The following MAGI1 variants were observed in gnomAD, a reference collection of about 807,000 sequenced individuals.
MAGI1 encodes the protein membrane-associated guanylate kinase, WW and PDZ domain-containing protein 1.
MAGI1 carries 58 observed loss-of-function variants against 139.9 expected under a neutral mutation model. That is an observed-to-expected ratio of 0.41 (90% CI 0.34 to 0.52). The LOEUF is 0.52. Ranked by LOEUF, MAGI1 falls within the 20% of genes least tolerant of loss-of-function variation. The pLI is 0.12. For missense variants in MAGI1, 1,874 were observed against 1,901.6 expected (o/e 0.99, Z 0.27); for synonymous variants, 812 against 737.9 (o/e 1.10, Z -1.63).
chr3:65,436,740 C>T (rs1947883150), intron 10 of MAGI1, among the ~76,000 whole-genome samples: 1 of 151,942 alleles, frequency 6.6e-6, no homozygotes, highest in African/African-American at 2.4e-5. Context: ...TCCCCAGAGA[C>T]ATCTGGCAAT....
intron 1 of MAGI1, among the ~76,000 whole-genome samples, chr3:65,812,458 T>TCA (rs779884222): frequency 1.1e-4 from 11 of 101,714 alleles, no homozygotes; most frequent in African/African-American, 3.9e-4. Flanking sequence ...TCTCTCTCTC[T>TCA]CTCTCTCTCT....
intron 1 of MAGI1, among the ~76,000 whole-genome samples, chr3:65,641,507 C>A (rs1344880810): frequency 6.6e-6 from 1 of 152,156 alleles, no homozygotes; most frequent in Admixed American, 6.5e-5. Flanking sequence ...TGTGAATTCA[C>A]GGTAGATTCA....
intron 12 of MAGI1, among the ~76,000 whole-genome samples, chr3:65,428,427 A>T (rs1947225793): frequency 6.6e-6 from 1 of 152,182 alleles, no homozygotes; most frequent in African/African-American, 2.4e-5. Context: ...AGGGTGGGAT[A>T]CGGACTCAAG....
chr3:65,455,369 T>G (rs1949322516), intron 5 of MAGI1, among the ~76,000 whole-genome samples: 1 of 152,160 alleles, frequency 6.6e-6, no homozygotes, highest in African/African-American at 2.4e-5. Context: ...TCTTAATCCC[T>G]GGTAACTACG....
intron 2 of MAGI1, among the ~76,000 whole-genome samples, chr3:65,578,160 C>G (rs944566380): frequency 3.3e-5 from 5 of 152,180 alleles, no homozygotes; most frequent in African/African-American, 4.8e-5. Flanking sequence ...CTCTGGCAAC[C>G]AGGCTATGTA....
intron 3 of MAGI1, among the ~76,000 whole-genome samples, chr3:65,487,909 G>A (rs915697466): frequency 3.3e-5 from 5 of 152,200 alleles, no homozygotes; most frequent in African/African-American, 1.2e-4. Flanking sequence ...CCAGCCATGT[G>A]TGGCTACTTA....
At chr3:66,031,407 C>A (rs1487186069) in intron 1 of MAGI1, among the ~76,000 whole-genome samples, 1 of 152,162 alleles carries the variant, frequency 6.6e-6, no homozygotes, top group Non-Finnish European at 1.5e-5. Context: ...TGGTGGATAT[C>A]ATCAATTCTG....
At chr3:65,908,705 T>C (rs1217154489) in intron 1 of MAGI1, among the ~76,000 whole-genome samples, 1 of 152,212 alleles carries the variant, frequency 6.6e-6, no homozygotes, top group East Asian at 1.9e-4. Context: ...ATCTGAGCTG[T>C]CCAGCGTAAA....
chr3:65,535,067 T>A (rs1486766594), intron 2 of MAGI1, among the ~76,000 whole-genome samples: 2 of 151,824 alleles, frequency 1.3e-5, no homozygotes, highest in East Asian at 3.9e-4. Flanking sequence ...CCAACACGGC[T>A]GGTAGAAGTC....
chr3:65,688,045 C>G (rs1379708659), intron 1 of MAGI1: 1 of 794,174 alleles, frequency 1.3e-6, no homozygotes, highest in African/African-American at 1.7e-5. Context: ...CCTAGGCCTA[C>G]TAAGTCATTA....
At position 65,872,056 on chromosome 3, in the gene MAGI1, C is replaced by CT. The variant is rs771652149; in HGVS notation, c.313+165939dup. Among the ~76,000 whole-genome samples the CT allele has an allele frequency of 3.3e-5, 5 of 152,218 alleles. No homozygotes were observed. In the East Asian group the frequency reaches 5.8e-4, roughly 18 times the overall value. On this transcript the variant is annotated intron_variant, in intron 1 of 22. Transcript: ENST00000402939. ...CAGTTGTGTAACCTGGGGACTGACCCTCTCAGACTTCCAAATTCCTAACTG... is the reference window on the plus strand; with the variant it reads ...CAGTTGTGTAACCTGGGGACTGACCCTTCTCAGACTTCCAAATTCCTAACTG...
At chr3:65,359,387 C>T (rs1940553969) in intron 22 of MAGI1, 3 of 1,287,854 alleles carry the variant, frequency 2.3e-6, no homozygotes, top group South Asian at 5.8e-5. Context: ...CATAAGGTGA[C>T]TCGAGAACCC....
chr3:65,947,144 G>A (rs901026236), intron 1 of MAGI1, among the ~76,000 whole-genome samples: 6 of 152,060 alleles, frequency 3.9e-5, no homozygotes, highest in East Asian at 1.9e-4. Context: ...AATAACTCCC[G>A]AGCTTGTGTT....
intron 1 of MAGI1, among the ~76,000 whole-genome samples, chr3:65,858,310 T>C (rs1057079628): frequency 2.0e-5 from 3 of 152,176 alleles, no homozygotes; most frequent in Non-Finnish European, 4.4e-5. Context: ...GTTGACATAA[T>C]ACGAAGTGAT....
intron 1 of MAGI1, among the ~76,000 whole-genome samples, chr3:65,641,358 A>G (rs2084974298): frequency 6.6e-6 from 1 of 152,178 alleles, no homozygotes; most frequent in Non-Finnish European, 1.5e-5. Context: ...CATGTCTATA[A>G]TAGCACCAGC....
chr3:65,610,928 G>C (rs535027554), intron 2 of MAGI1, among the ~76,000 whole-genome samples: 3 of 136,662 alleles, frequency 2.2e-5, no homozygotes, highest in African/African-American at 5.4e-5. Flanking sequence ...CTATATAGTA[G>C]ATAGTATATA....
chr3:65,649,404 A>T (rs1030791924), intron 1 of MAGI1, among the ~76,000 whole-genome samples: 1 of 152,110 alleles, frequency 6.6e-6, no homozygotes, highest in Non-Finnish European at 1.5e-5. Context: ...AATAAAGTAA[A>T]ATGTGTGAAG....
At chr3:65,719,595 G>C (rs890432585) in intron 1 of MAGI1, among the ~76,000 whole-genome samples, 18 of 151,204 alleles carry the variant, frequency 1.2e-4, no homozygotes, top group Non-Finnish European at 2.5e-4. Context: ...GCCCAGGCTG[G>C]AGTACAGTGG....
chr3:65,512,565 A>G, intron 2 of MAGI1, among the ~76,000 whole-genome samples: 1 of 152,208 alleles, frequency 6.6e-6, no homozygotes, highest in African/African-American at 2.4e-5. Flanking sequence ...GAAGAAATGG[A>G]TAAATTCCTC....
Sources: gnomAD v4.1 joint callset for allele counts (sites outside exome capture counted in the v4.1 genomes callset) on GRCh38, gnomAD v4.1.1 for gene constraint, MANE v1.5 for transcripts, NCBI Gene and HGNC (gene_info 2026-07-23, HGNC 2026-07-21) for gene names.